PCDHGA3: variants seen among roughly 807,000 people sequenced by gnomAD.
The protein encoded by PCDHGA3 is protocadherin gamma subfamily A, 3.
In PCDHGA3, 40 loss-of-function variants were observed where a neutral mutation model predicts 58.5. The ratio of observed to expected loss-of-function variants is 0.68; its 90% CI spans 0.53 to 0.89. The LOEUF is 0.89. PCDHGA3 is among the 40% of genes least tolerant of loss of function. The probability of loss-of-function intolerance (pLI) is 0.00; values close to 1 mark genes in which losing one functional copy is unlikely to be tolerated. For synonymous variants in PCDHGA3, 530 were observed against 525.7 expected (o/e 1.01, Z -0.11); for missense variants, 1,223 against 1,195.9 (o/e 1.02, Z -0.33).
intron 1 of PCDHGA3, chr5:141,384,110 T>G: frequency 6.2e-7 from 1 of 1,604,780 alleles, no homozygotes; most frequent in Non-Finnish European, 8.5e-7. Context: ...TATTATAGAT[T>G]GGTCACAACC....
At chr5:141,418,307 A>C (rs372854408) in intron 1 of PCDHGA3, 24 of 1,613,982 alleles carry the variant, frequency 1.5e-5, no homozygotes, top group Non-Finnish European at 2.0e-5. Context: ...CAGCCTGGGG[A>C]TGGGAACAAT....
intron 2 of PCDHGA3, among the ~76,000 whole-genome samples, chr5:141,495,645 C>T (rs2099762719): frequency 6.6e-6 from 1 of 152,208 alleles, no homozygotes; most frequent in South Asian, 2.1e-4. Context: ...CATTTGTCTA[C>T]TTGCATTGAT....
rs541533867 is a variant in PCDHGA3 at position 141,415,164 on chromosome 5, G to T, written c.2424+68707G>T. 6.8e-6 allele frequency: 11 copies of T among 1,613,838 alleles called. No individual in the cohort carries two copies. The African/African-American group carries it at 1.3e-4, about 20-fold the overall frequency. Reference sequence around the variant, plus strand: ...AGCCCCCTCTCTCCGCCACTGTCACGCTCACCGTGGCCGTGGCCGACAGCA... The same window carrying T: ...AGCCCCCTCTCTCCGCCACTGTCACTCTCACCGTGGCCGTGGCCGACAGCA... On this transcript the variant is annotated intron_variant, in intron 1 of 3. Transcript: ENST00000253812.
intron 3 of PCDHGA3, among the ~76,000 whole-genome samples, chr5:141,509,693 G>A (rs72790076): frequency 0.024 from 3,613 of 152,246 alleles, 55 homozygotes; most frequent in East Asian, 0.046. Flanking sequence ...ACAGTGGGAC[G>A]TTGGACTGGA....
At chr5:141,347,278 C>T (rs1278096121) in intron 1 of PCDHGA3, among the ~76,000 whole-genome samples, 1 of 151,758 alleles carries the variant, frequency 6.6e-6, no homozygotes, top group Non-Finnish European at 1.5e-5. Context: ...CTCAGCCTCC[C>T]GAGTAGCTGG....
rs545544226 is a variant in PCDHGA3, at chr5:141,376,066, C to T, written c.2424+29609C>T. 2.3e-5 allele frequency: 37 copies of T among 1,613,396 alleles called. 2 individuals are homozygous for T. The South Asian group carries it at 3.6e-4, about 16-fold the overall frequency. ...CTCTCTCCGCCACTGTCACGCTCACCGTGGCCGTGGCCGACAGGATCCCCG... is the reference window on the plus strand; with the variant it reads ...CTCTCTCCGCCACTGTCACGCTCACTGTGGCCGTGGCCGACAGGATCCCCG... On this transcript the variant is annotated intron_variant, in intron 1 of 3. Transcript: ENST00000253812.
chr5:141,491,705 G>A lies in PCDHGA3; in HGVS notation c.2425-3102G>A. ...ACGCTGCGGGAGCGGAGCCAGGTGA[G>A]GGGCTCGGCGCCGCCCCGGGCGACC... is the stretch of plus-strand genomic sequence containing the variant. On this transcript the variant is annotated intron_variant, in intron 1 of 3. Transcript: ENST00000253812. The surrounding 1 kb of genome is among the most constrained non-coding windows in gnomAD (Gnocchi z 6.9). 1 of 1,611,064 alleles carries A rather than the reference G, an allele frequency of 6.2e-7. No homozygotes were observed. Among genetic ancestry groups the A allele is most frequent in the South Asian group, 1.1e-5 (1 of 90,828 alleles).
At chr5:141,465,162 G>A (rs1464525964) in intron 1 of PCDHGA3, among the ~76,000 whole-genome samples, 1 of 151,654 alleles carries the variant, frequency 6.6e-6, no homozygotes, top group Non-Finnish European at 1.5e-5. Context: ...GACTCTAAAT[G>A]TTTATGAAGA....
chr5:141,478,415 C>T, intron 1 of PCDHGA3: 1 of 1,613,648 alleles, frequency 6.2e-7, no homozygotes, highest in Non-Finnish European at 8.5e-7. Flanking sequence ...CACGGACTCC[C>T]GCCGCAGCGA....
Position 141,486,278 on chromosome 5 carries a change from G to C in PCDHGA3, c.2425-8529G>C, listed in dbSNP as rs774763063. On this transcript the variant is annotated intron_variant, in intron 1 of 3. Coordinates refer to ENST00000253812, the MANE Select transcript of PCDHGA3 (RefSeq NM_018916.4). The surrounding 1 kb of genome is among the most constrained non-coding windows in gnomAD (Gnocchi z 5.0). ...CGAGAGTGCAGAACCTGGCACTGTG[G>C]TGGCACTTATCAGTGTGCAGGATCC... is the stretch of plus-strand genomic sequence containing the variant. 4 of 1,613,970 alleles carry C rather than the reference G, an allele frequency of 2.5e-6. No individual in the cohort carries two copies. In the South Asian group the frequency reaches 4.4e-5, roughly 18 times the overall value.
At chr5:141,505,935 C>T (rs2099849264) in intron 3 of PCDHGA3, among the ~76,000 whole-genome samples, 1 of 152,146 alleles carries the variant, frequency 6.6e-6, no homozygotes, top group African/African-American at 2.4e-5. Flanking sequence ...CGCTTGGAAG[C>T]CCTCAAGCAA....
At chr5:141,356,877 C>T in intron 1 of PCDHGA3, 1 of 1,614,196 alleles carries the variant, frequency 6.2e-7, no homozygotes, top group Admixed American at 1.7e-5. Context: ...ACGACAATGT[C>T]CCTGAGATCC....
intron 1 of PCDHGA3, chr5:141,422,697 C>T (rs1406213402): frequency 3.7e-6 from 6 of 1,603,284 alleles, no homozygotes; most frequent in South Asian, 1.1e-5. Flanking sequence ...TGGTCACTTA[C>T]TCTCTGACGG....
chr5:141,397,004 T>A (rs2150690904), intron 1 of PCDHGA3, among the ~76,000 whole-genome samples: 2 of 152,342 alleles, frequency 1.3e-5, no homozygotes, highest in African/African-American at 4.8e-5. Context: ...ATCTGACAAA[T>A]GGACTAAAGA....
Position 141,344,156 on chromosome 5 carries a change from A to G in PCDHGA3, c.123A>G (p.Lys41=). Residue 41 remains lysine (K), a synonymous_variant, in exon 1 of 4, where the codon AAA becomes AAG. Coordinates refer to ENST00000253812, the MANE Select transcript of PCDHGA3 (RefSeq NM_018916.4). ...ACTCGGTGTCTGAGGAGCTAGATAA[A>G]GGTTCCTTCGTGGGCAACATCGCTA... ...IRYSVSEELD[K]GSFVGNIAND... is the part of the protein sequence containing the mutation. The G allele has an allele frequency of 6.2e-7, 1 of 1,614,006 alleles. No homozygotes were observed. The highest frequency in any genetic ancestry group is 8.5e-7 in the Non-Finnish European group (1 of 1,179,882).
chr5:141,477,512 A>G lies in PCDHGA3; in HGVS notation c.2425-17295A>G. 1.9e-6 allele frequency: 3 copies of G among 1,614,156 alleles called. No homozygotes were observed. Among genetic ancestry groups the G allele is most frequent in the South Asian group, 2.2e-5 (2 of 91,072 alleles). ...TTCTCAATCTTCCTACGACGTTTAC[A>G]TTGAAGAAAACAACCTCCCCGGGGC... On this transcript the variant is annotated intron_variant, in intron 1 of 3. Transcript: ENST00000253812. This position sits in a 1 kb window ranked among gnomAD's most constrained non-coding sequence, Gnocchi z 4.9.
At chr5:141,502,377 C>A (rs748121694) in intron 2 of PCDHGA3, among the ~76,000 whole-genome samples, 14 of 151,904 alleles carry the variant, frequency 9.2e-5, no homozygotes, top group Non-Finnish European at 1.3e-4. Flanking sequence ...AGAGTCCAGG[C>A]CAGTTGTACT....
rs1245526846 is a variant in PCDHGA3, at chr5:141,512,505, C to T, written c.*1332C>T. ...GCCACTGCCCAGGTCCCCAGTGCGCCCCCTAGTGGCCATAGCCTGGTTAAA... is the reference window on the plus strand; with the variant it reads ...GCCACTGCCCAGGTCCCCAGTGCGCTCCCTAGTGGCCATAGCCTGGTTAAA... On this transcript the variant is annotated 3_prime_UTR_variant, in exon 4 of 4. Transcript: ENST00000253812. The T allele has an allele frequency of 1.3e-5, 2 of 152,888 alleles. No individual in the cohort carries two copies. The highest frequency in any genetic ancestry group is 4.8e-5 in the African/African-American group (2 of 41,466). 9.5% of individuals were successfully genotyped at this position (152,888 alleles called of 1,614,324 possible). A position where few individuals can be genotyped will look rare whatever the true frequency, so the allele number is the denominator to read the frequency against.
In PCDHGA3 at chr5:141,486,959, G is replaced by A. The variant is rs1161675143; in HGVS notation, c.2425-7848G>A. The A allele has an allele frequency of 1.9e-6, 3 of 1,614,098 alleles. No individual in the cohort carries two copies. In the African/African-American group the frequency reaches 4.0e-5, roughly 22 times the overall value. On this transcript the variant is annotated intron_variant, in intron 1 of 3. Transcript: ENST00000253812. The surrounding 1 kb of genome is among the most constrained non-coding windows in gnomAD (Gnocchi z 5.0). ...CCACCTAATCACAAAGGTGACTGCTGTGGACTTGGATTCAGGTTACAATGC... is the reference window on the plus strand; with the variant it reads ...CCACCTAATCACAAAGGTGACTGCTATGGACTTGGATTCAGGTTACAATGC...
Sources: allele counts gnomAD v4.1 joint callset (sites outside exome capture counted in the v4.1 genomes callset), GRCh38; gene constraint gnomAD v4.1.1; non-coding constraint Gnocchi (gnomAD v3.1); transcripts MANE v1.5; gene names NCBI Gene and HGNC (gene_info 2026-07-23, HGNC 2026-07-21).